MTUS2: variants seen among roughly 807,000 people sequenced by gnomAD.
MTUS2 encodes microtubule associated scaffold protein 2, also known as microtubule-associated tumor suppressor candidate 2.
MTUS2 carries 40 observed loss-of-function variants against 114.1 expected under a neutral mutation model. The ratio of observed to expected loss-of-function variants is 0.35; its 90% confidence interval spans 0.27 to 0.46. The LOEUF (loss-of-function observed/expected upper bound fraction) is 0.46, where lower values mean the gene tolerates loss of function less well. Among genes scored for constraint, MTUS2 ranks in the 20% least tolerant of loss-of-function variants. The pLI, the probability that MTUS2 is intolerant of heterozygous loss-of-function variation, is 1.00. For synonymous variants in MTUS2, 688 were observed against 672.0 expected, an observed-to-expected ratio of 1.02 and a Z score of -0.37; for missense variants, 1,679 against 1,705.4, an observed-to-expected ratio of 0.98 and a Z score of 0.27.
chr13:29,461,763 C>G (rs1879513923), intron 9 of MTUS2, among the ~76,000 whole-genome samples: 3 of 152,188 alleles, frequency 2.0e-5, no homozygotes, highest in Admixed American at 6.5e-5. Context: ...ATCAAGAGAA[C>G]TCTAAGTTAT....
intron 1 of MTUS2, among the ~76,000 whole-genome samples, chr13:28,826,822 CA>C (rs1293838766): frequency 6.6e-6 from 1 of 152,174 alleles, no homozygotes; most frequent in African/African-American, 2.4e-5. Context: ...AATAAAACAG[CA>C]GAAGCAAATA....
chr13:28,904,974 C>T (rs1182959627), intron 2 of MTUS2, among the ~76,000 whole-genome samples: 3 of 151,348 alleles, frequency 2.0e-5, no homozygotes, highest in Non-Finnish European at 4.4e-5. Flanking sequence ...CTTCACGTCC[C>T]TTGTAAGTTG....
Position 29,025,047 on chromosome 13 carries a change from G to A in MTUS2, c.349G>A (p.Gly117Ser), listed in dbSNP as rs752676075. ...ELNEEHTVER[G>S]TDSLQTTRSI... is the part of the protein sequence containing the mutation. ...CAATGAAGAGCACACAGTGGAGAGA[G>A]GCACAGATAGCCTGCAGACCACGCG... Residue 117 changes from glycine (G) to serine (S), a missense_variant, in exon 3 of 16, where the codon GGC (glycine) becomes AGC (serine). By Grantham distance (56) the Gly-to-Ser change is moderately conservative. Coordinates refer to ENST00000612955, the MANE Select transcript of MTUS2 (RefSeq NM_001033602.4). The A allele has an allele frequency of 6.2e-7, 1 of 1,613,834 alleles. No homozygotes were observed. Among genetic ancestry groups the A allele is most frequent in the Admixed American group, 1.7e-5 (1 of 60,000 alleles).
chr13:29,241,961 C>T (rs767511368), intron 5 of MTUS2, among the ~76,000 whole-genome samples: 10 of 152,196 alleles, frequency 6.6e-5, no homozygotes, highest in East Asian at 1.9e-4. Flanking sequence ...ATTTCCTGCC[C>T]GCTCACCCTG....
intron 5 of MTUS2, among the ~76,000 whole-genome samples, chr13:29,103,087 T>A (rs1191506025): frequency 6.6e-6 from 1 of 152,218 alleles, no homozygotes; most frequent in African/African-American, 2.4e-5. Context: ...CTGGTCTTTT[T>A]GCAGACATTA....
chr13:28,891,469 G>A (rs916571249), intron 2 of MTUS2, among the ~76,000 whole-genome samples: 4 of 152,140 alleles, frequency 2.6e-5, no homozygotes, highest in Admixed American at 1.3e-4. Flanking sequence ...ATCGTAGGCC[G>A]TTGAACTGAA....
At chr13:28,997,852 A>G (rs948761858) in intron 2 of MTUS2, among the ~76,000 whole-genome samples, 1 of 152,174 alleles carries the variant, frequency 6.6e-6, no homozygotes, top group Non-Finnish European at 1.5e-5. Flanking sequence ...CCAATTTGCC[A>G]GTCTGTGCCT....
intron 2 of MTUS2, among the ~76,000 whole-genome samples, chr13:28,919,544 G>T (rs1341063683): frequency 6.6e-6 from 1 of 151,892 alleles, no homozygotes; most frequent in Non-Finnish European, 1.5e-5. Context: ...ATGCCTTGAG[G>T]TAGTCCTCTT....
intron 5 of MTUS2, among the ~76,000 whole-genome samples, chr13:29,188,473 A>G (rs1894313522): frequency 6.6e-6 from 1 of 152,184 alleles, no homozygotes; most frequent in East Asian, 1.9e-4. Flanking sequence ...AAAAGCCTGC[A>G]AGCACCATAT....
chr13:29,018,061 G>A (rs909346019), intron 2 of MTUS2, among the ~76,000 whole-genome samples: 2 of 152,196 alleles, frequency 1.3e-5, no homozygotes, highest in African/African-American at 4.8e-5. Flanking sequence ...CCTGTTTGGT[G>A]GGGGAAGGGA....
intron 2 of MTUS2, among the ~76,000 whole-genome samples, chr13:28,863,179 A>G (rs1293388588): frequency 6.6e-6 from 1 of 152,224 alleles, no homozygotes; most frequent in Admixed American, 6.5e-5. Context: ...CATCAAATTC[A>G]GGAACTTTCT....
At chr13:28,843,800 G>A (rs770033838) in intron 2 of MTUS2, among the ~76,000 whole-genome samples, 49 of 152,146 alleles carry the variant, frequency 3.2e-4, no homozygotes, top group Non-Finnish European at 5.1e-4. Flanking sequence ...GGGCACACAC[G>A]GGGGATGGGT....
Position 29,026,714 on chromosome 13 carries a change from C to G in MTUS2, c.2016C>G (p.Pro672=). ...CAGTGGGGCTTCCATATGCCCCGCC[C>G]ACATGTACCATGCCTCTTCCCCACG... The part of the protein sequence containing the change: ...LVPVGLPYAP[P]TCTMPLPHEE... Residue 672 remains proline (P), a synonymous_variant, in exon 3 of 16, where the codon CCC becomes CCG. Transcript: ENST00000612955. 1 of 1,614,002 alleles carries G rather than the reference C, an allele frequency of 6.2e-7. No individual in the cohort carries two copies. The highest frequency in any genetic ancestry group is 1.1e-5 in the South Asian group (1 of 91,082).
chr13:29,440,627 A>G (rs1877768139), intron 9 of MTUS2, among the ~76,000 whole-genome samples: 1 of 152,108 alleles, frequency 6.6e-6, no homozygotes, highest in Admixed American at 6.5e-5. Context: ...TATTTGCCAT[A>G]TTCTCATTGC....
intron 5 of MTUS2, among the ~76,000 whole-genome samples, chr13:29,153,954 G>A (rs535961329): frequency 6.6e-6 from 1 of 152,168 alleles, no homozygotes; most frequent in Non-Finnish European, 1.5e-5. Flanking sequence ...AGTCGAAAGG[G>A]TATTGAGGTG....
chr13:28,968,840 T>C (rs1883720113), intron 2 of MTUS2, among the ~76,000 whole-genome samples: 1 of 152,268 alleles, frequency 6.6e-6, no homozygotes, highest in Admixed American at 6.5e-5. Flanking sequence ...ATGTAAAGGA[T>C]TAAAAAGTAG....
At chr13:28,892,486 C>T (rs1878990772) in intron 2 of MTUS2, among the ~76,000 whole-genome samples, 1 of 152,048 alleles carries the variant, frequency 6.6e-6, no homozygotes, top group Non-Finnish European at 1.5e-5. Context: ...CAAAACACAC[C>T]TAACATTTTA....
chr13:29,451,641 G>A (rs111857001), intron 9 of MTUS2, among the ~76,000 whole-genome samples: 4,466 of 151,744 alleles, frequency 0.029, 218 homozygotes, highest in African/African-American at 0.1. Flanking sequence ...CTAGAATGCA[G>A]TGGCACAATC....
chr13:28,845,304 C>A (rs1433161053), intron 2 of MTUS2, among the ~76,000 whole-genome samples: 4 of 152,202 alleles, frequency 2.6e-5, no homozygotes, highest in African/African-American at 9.6e-5. Flanking sequence ...AGAATGTAAA[C>A]TTCACAAGGG....
Sources: allele counts gnomAD v4.1 joint callset (sites outside exome capture counted in the v4.1 genomes callset), GRCh38; gene constraint gnomAD v4.1.1; transcripts MANE v1.5; gene names NCBI Gene and HGNC (gene_info 2026-07-23, HGNC 2026-07-21).